PHIP: variants seen among roughly 807,000 people sequenced by gnomAD.
The protein encoded by PHIP is PH-interacting protein.
PHIP carries 54 observed loss-of-function variants against 236.8 expected under a neutral mutation model. The ratio of observed to expected loss-of-function variants is 0.23; its 90% CI spans 0.18 to 0.29. The LOEUF is 0.29. Among genes scored for constraint, PHIP ranks in the 10% least tolerant of loss-of-function variants. The pLI is 1.00. For missense variants in PHIP, 1,370 were observed against 2,190.8 expected, an observed-to-expected ratio of 0.63 and a Z score of 7.48; for synonymous variants, 756 against 718.9, an observed-to-expected ratio of 1.05 and a Z score of -0.83.
In PHIP at chr6:78,939,774, T is replaced by A. The variant is rs527516661; in HGVS notation, c.*919A>T. On this transcript the variant is annotated 3_prime_UTR_variant, in exon 40 of 40. Transcript: ENST00000275034. ...ATTTTCCTTGAATCCTTTAACCACT[T>A]AAACATTTCCTCTAGAACATCTCTG... 2.0e-5 allele frequency: 3 copies of A among 152,452 alleles called. No homozygotes were observed. Among genetic ancestry groups the A allele is most frequent in the Admixed American group, 6.5e-5 (1 of 15,270 alleles). The allele number at this position is 152,452 out of a possible 1,614,324, so 9.4% of individuals were successfully genotyped here.
chr6:78,955,356 A>G (rs1287174758), intron 33 of PHIP, 74 bp from the exon 34 acceptor site: 10 of 1,076,568 alleles, frequency 9.3e-6, no homozygotes, highest in Non-Finnish European at 1.4e-5. Context: ...TTAACTAGCA[A>G]TTATTTCCTT....
At chr6:79,025,385 A>G (rs1304077809) in intron 9 of PHIP, 134 bp downstream of exon 9, 1 of 580,868 alleles carries the variant, frequency 1.7e-6, no homozygotes, top group Non-Finnish European at 3.1e-6. Flanking sequence ...GTTAGTAAAG[A>G]GCCAAAAGAG....
At chr6:78,989,531 T>C (rs1253002847) in intron 20 of PHIP, among the ~76,000 whole-genome samples, 2 of 152,094 alleles carry the variant, frequency 1.3e-5, no homozygotes, top group Admixed American at 6.6e-5. Flanking sequence ...AAATAACCAA[T>C]TAAATTTGGG....
chr6:79,041,902 A>T (rs1252180000), intron 7 of PHIP, among the ~76,000 whole-genome samples: 3 of 152,050 alleles, frequency 2.0e-5, no homozygotes, highest in Non-Finnish European at 4.4e-5. Flanking sequence ...GTATGGATAG[A>T]GGAGAAGTAG....
At chr6:78,952,098 T>C (rs1335481143) in intron 35 of PHIP, among the ~76,000 whole-genome samples, 4 of 152,174 alleles carry the variant, frequency 2.6e-5, no homozygotes, top group Non-Finnish European at 5.9e-5. Flanking sequence ...TCAGGAATCA[T>C]AGCTTCTCAA....
chr6:79,065,147 G>C (rs1773563763), intron 4 of PHIP, among the ~76,000 whole-genome samples: 1 of 152,066 alleles, frequency 6.6e-6, no homozygotes, highest in Non-Finnish European at 1.5e-5. Flanking sequence ...CTCCATAACA[G>C]TCCAAATAAT....
At chr6:78,985,455 T>A in intron 21 of PHIP, 27 bp from the exon 22 acceptor site, 3 of 1,071,724 alleles carry the variant, frequency 2.8e-6, no homozygotes, top group Non-Finnish European at 4.4e-6. Context: ...ACATGTCTTA[T>A]TGCATAATTT....
chr6:79,060,792 A>C lies in PHIP; in HGVS notation c.216T>G (p.Pro72=), dbSNP rs140397043. The change falls in exon 5 of 40, where the codon CCT becomes CCG. Residue 72 remains proline, a synonymous_variant. Coordinates refer to ENST00000275034, the MANE Select transcript of PHIP (RefSeq NM_017934.7). ...NLVKYYRHLA[P]DHLLQICHRL... ...GATGACATATTTGCAGCAAGTGATC[A>C]GGTGCTAAGTGTCTGTAATACTTCA... The C allele has an allele frequency of 6.2e-7, 1 of 1,611,790 alleles. No individual in the cohort carries two copies. The highest frequency in any genetic ancestry group is 8.5e-7 in the Non-Finnish European group (1 of 1,177,916).
At chr6:78,949,681 TTTTA>T (rs1774030955) in intron 35 of PHIP, among the ~76,000 whole-genome samples, 1 of 151,918 alleles carries the variant, frequency 6.6e-6, no homozygotes, top group Non-Finnish European at 1.5e-5. Context: ...TGGGACTCTT[TTTTA>T]CTTTTTTTTT....
At chr6:78,992,527 G>A (rs1769332632) in intron 19 of PHIP, among the ~76,000 whole-genome samples, 1 of 151,632 alleles carries the variant, frequency 6.6e-6, no homozygotes, top group Admixed American at 6.6e-5. Flanking sequence ...CCTGCAATGA[G>A]CAAATGCCAT....
At chr6:79,002,865 A>T (rs1770075316) in intron 16 of PHIP, among the ~76,000 whole-genome samples, 1 of 152,098 alleles carries the variant, frequency 6.6e-6, no homozygotes, top group African/African-American at 2.4e-5. Flanking sequence ...TTACTATAAA[A>T]ATCACATAAG....
chr6:79,003,300 TAC>T (rs1169208121), intron 16 of PHIP, among the ~76,000 whole-genome samples: 1 of 151,996 alleles, frequency 6.6e-6, no homozygotes, highest in Non-Finnish European at 1.5e-5. Context: ...AAACATTAAC[TAC>T]AATCAGGTAA....
At chr6:79,014,708 T>C (rs1258047773) in intron 15 of PHIP, among the ~76,000 whole-genome samples, 1 of 151,740 alleles carries the variant, frequency 6.6e-6, no homozygotes. Flanking sequence ...AGTAAAATTC[T>C]ATTGTGCTAG....
chr6:79,041,347 C>G (rs151216709), intron 7 of PHIP, among the ~76,000 whole-genome samples: 1 of 151,974 alleles, frequency 6.6e-6, no homozygotes, highest in Non-Finnish European at 1.5e-5. Flanking sequence ...ACTGCATTCT[C>G]CCTAAAAAAA....
chr6:78,966,229 G>A (rs1767117760), intron 27 of PHIP, among the ~76,000 whole-genome samples, 173 bp from the exon 28 acceptor site: 1 of 152,048 alleles, frequency 6.6e-6, no homozygotes, highest in Non-Finnish European at 1.5e-5. Flanking sequence ...AGAGAAAAAA[G>A]GAATTTAGTA....
At chr6:78,942,230 C>A (rs981188338) in intron 39 of PHIP, among the ~76,000 whole-genome samples, 5 of 152,178 alleles carry the variant, frequency 3.3e-5, no homozygotes, top group Non-Finnish European at 1.5e-5. Flanking sequence ...CGATTATAAT[C>A]CCAGCACTCT....
intron 7 of PHIP, among the ~76,000 whole-genome samples, chr6:79,034,473 T>C (rs1380261471): frequency 1.3e-5 from 2 of 152,208 alleles, no homozygotes; most frequent in African/African-American, 2.4e-5. Flanking sequence ...CACAGGGCCA[T>C]GAATCACTTC....
At chr6:78,951,064 A>T (rs1263458729) in intron 35 of PHIP, among the ~76,000 whole-genome samples, 3 of 152,144 alleles carry the variant, frequency 2.0e-5, no homozygotes, top group Non-Finnish European at 4.4e-5. Flanking sequence ...AGTTCAATGC[A>T]TTTTTTAAAT....
chr6:79,013,987 A>G (rs1452841219), intron 15 of PHIP, among the ~76,000 whole-genome samples: 1 of 151,590 alleles, frequency 6.6e-6, no homozygotes, highest in Admixed American at 6.6e-5. Context: ...AAAAATCTCA[A>G]TACAATCACA....
Sources: gnomAD v4.1 joint callset for allele counts (sites outside exome capture counted in the v4.1 genomes callset) on GRCh38, gnomAD v4.1.1 for gene constraint, MANE v1.5 for transcripts, NCBI Gene and HGNC (gene_info 2026-07-23, HGNC 2026-07-21) for gene names.